Variants in CBL observed in about 807,000 individuals in gnomAD.
CBL encodes Cbl proto-oncogene.
CBL carries 45 observed loss-of-function variants against 96.9 expected under a neutral mutation model. The ratio of observed to expected loss-of-function variants is 0.46; its 90% CI spans 0.37 to 0.60. CBL has a LOEUF of 0.60. CBL is among the 20% of genes least tolerant of loss of function. The probability of loss-of-function intolerance (pLI) is 0.00; values close to 1 mark genes in which losing one functional copy is unlikely to be tolerated. For missense variants in CBL, 1,024 were observed against 1,143.5 expected, an observed-to-expected ratio of 0.90 and a Z score of 1.51; for synonymous variants, 420 against 426.8, an observed-to-expected ratio of 0.98 and a Z score of 0.20.
chr11:119,285,266 T>C lies in CBL; in HGVS notation c.1641T>C (p.Pro547=), dbSNP rs61755280. 6.1e-4 allele frequency: 981 copies of C among 1,613,986 alleles called. 3 individuals are homozygous for C. Among genetic ancestry groups the C allele is most frequent in the Middle Eastern group, 4.3e-3 (26 of 6,062 alleles). Residue 547 remains proline, a synonymous_variant, in exon 11 of 16, where the codon CCT becomes CCC. Coordinates refer to ENST00000264033, the MANE Select transcript of CBL (RefSeq NM_005188.4). ...TTCGAGATCTTCCACCACCACCGCC[T>C]CCAGACCGGCCATATTCTGTTGGAG... is the stretch of plus-strand genomic sequence containing the variant. ...PTLRDLPPPP[P]PDRPYSVGAE...
Position 119,303,157 on chromosome 11 carries a change from ATTCCC to A in CBL, c.*3379_*3383del, listed in dbSNP as rs1043027764. 1.3e-4 allele frequency: 31 copies of A among 231,510 alleles called. No individual in the cohort carries two copies. Among genetic ancestry groups the A allele is most frequent in the Admixed American group, 1.3e-3 (23 of 17,746 alleles). The allele number at this position is 231,510 out of a possible 1,614,324, so 14.3% of individuals were successfully genotyped here. On this transcript the variant is annotated 3_prime_UTR_variant, in exon 16 of 16. Coordinates refer to ENST00000264033, the MANE Select transcript of CBL (RefSeq NM_005188.4). ...TGTAAAAACTAGGGACCATCTATAT[ATTCCC>A]TTTAAGATCTAGTTCTTTTTGTAGG...
intron 3 of CBL, 70 bp from the exon 4 acceptor site, chr11:119,273,798 C>T: frequency 2.1e-6 from 3 of 1,396,520 alleles, no homozygotes; most frequent in Non-Finnish European, 3.0e-6. Flanking sequence ...CCTTCCTTTC[C>T]TTGATTATGG....
intron 1 of CBL, among the ~76,000 whole-genome samples, chr11:119,226,755 G>A (rs926976250): frequency 2.0e-5 from 3 of 152,128 alleles, no homozygotes; most frequent in African/African-American, 7.2e-5. Flanking sequence ...ACCACGCCCC[G>A]CCTGAAGCAA....
At chr11:119,243,375 A>G (rs1013472875) in intron 2 of CBL, among the ~76,000 whole-genome samples, 1 of 152,082 alleles carries the variant, frequency 6.6e-6, no homozygotes, top group African/African-American at 2.4e-5. Flanking sequence ...TGTGTTTTCC[A>G]GGCTGGTCTC....
intron 2 of CBL, among the ~76,000 whole-genome samples, chr11:119,243,025 C>T (rs956603967): frequency 6.6e-6 from 1 of 151,980 alleles, no homozygotes; most frequent in East Asian, 1.9e-4. Flanking sequence ...TTACTGTAAT[C>T]CCAGCACTTT....
At chr11:119,225,073 T>TGTGTGC (rs1555226182) in intron 1 of CBL, among the ~76,000 whole-genome samples, 1 of 151,268 alleles carries the variant, frequency 6.6e-6, no homozygotes, top group African/African-American at 2.4e-5. Context: ...TGTGTGTGTG[T>TGTGTGC]GCGCGCGCTT....
At position 119,206,449 on chromosome 11, in the gene CBL, C is replaced by A. The variant is rs1302101624; in HGVS notation, c.32C>A (p.Ala11Asp). The change falls in exon 1 of 16, where the codon GCC becomes GAC. Residue 11 changes from alanine (A) to aspartate (D), a missense_variant. Physicochemically the swap from Ala to Asp is moderately radical, Grantham distance 126. Transcript: ENST00000264033. Reference sequence around the variant, plus strand: ...GGCAACGTGAAGAAGAGCTCTGGGGCCGGGGGCGGCAGCGGCTCCGGGGGC... The same window carrying A: ...GGCAACGTGAAGAAGAGCTCTGGGGACGGGGGCGGCAGCGGCTCCGGGGGC... The part of the protein sequence containing the change: MAGNVKKSSG[A>D]GGGSGSGGSG... The A allele has an allele frequency of 6.3e-6, 10 of 1,580,122 alleles. No individual in the cohort carries two copies. The highest frequency in any genetic ancestry group is 8.6e-6 in the Non-Finnish European group (10 of 1,167,662).
chr11:119,239,202 C>T (rs1038886150), intron 2 of CBL, among the ~76,000 whole-genome samples: 2 of 152,116 alleles, frequency 1.3e-5, no homozygotes, highest in African/African-American at 4.8e-5. Flanking sequence ...AACTCCTGGG[C>T]TCAAGCAATC....
chr11:119,274,813 A>C lies in CBL; in HGVS notation c.748-19A>C, dbSNP rs1040022511. On this transcript the variant is annotated intron_variant, in intron 4 of 15. Coordinates refer to ENST00000264033, the MANE Select transcript of CBL (RefSeq NM_005188.4). ...GTACATCTGACCTGAATAGTCTGTGATTGATCTTGTTTCTTTAGCCCTGGT... is the reference window on the plus strand; with the variant it reads ...GTACATCTGACCTGAATAGTCTGTGCTTGATCTTGTTTCTTTAGCCCTGGT... 2 of 1,606,290 alleles carry C rather than the reference A, an allele frequency of 1.2e-6. No individual in the cohort carries two copies. Among genetic ancestry groups the C allele is most frequent in the Non-Finnish European group, 1.7e-6 (2 of 1,175,910 alleles).
intron 1 of CBL, among the ~76,000 whole-genome samples, chr11:119,223,008 G>A (rs989633610): frequency 6.6e-6 from 1 of 151,620 alleles, no homozygotes. Context: ...AGGCCCTATC[G>A]CTGCAAAAAA....
intron 2 of CBL, among the ~76,000 whole-genome samples, chr11:119,235,096 A>G (rs182384882): frequency 1.6e-4 from 24 of 152,228 alleles, no homozygotes; most frequent in African/African-American, 5.5e-4. Context: ...TTTATTTTAA[A>G]GAGCATTTCT....
intron 2 of CBL, among the ~76,000 whole-genome samples, chr11:119,249,679 T>A (rs995657059): frequency 1.3e-5 from 2 of 151,614 alleles, no homozygotes; most frequent in African/African-American, 2.4e-5. Flanking sequence ...TTTTTTTTTT[T>A]AATTGAGACA....
At chr11:119,209,914 C>T (rs936944652) in intron 1 of CBL, among the ~76,000 whole-genome samples, 1 of 152,176 alleles carries the variant, frequency 6.6e-6, no homozygotes. Context: ...TGCTAGAATG[C>T]TTGTTATTAA....
rs866325598 is a variant in CBL, at chr11:119,296,977, A to G, written c.2096A>G (p.Glu699Gly). Reference protein sequence around the residue: ...GEQCEGEEDTEYMTPSSRPLR... With the variant: ...GEQCEGEEDTGYMTPSSRPLR... ...CAATGTGAGGGTGAAGAGGACACAG[A>G]GTACATGACTCCCTCTTCCAGGCCT... The change falls in exon 13 of 16, where the codon GAG becomes GGG. Residue 699 changes from glutamate to glycine, a missense_variant. By Grantham distance (98) the Glu-to-Gly change is moderately conservative. Around this residue, in one of 4 missense-constraint regions of CBL, gnomAD observed 695 missense variants for 661.6 expected, o/e 1.05. Transcript: ENST00000264033. 1 of 1,612,690 alleles carries G rather than the reference A, an allele frequency of 6.2e-7. No homozygotes were observed. The highest frequency in any genetic ancestry group is 2.2e-5 in the East Asian group (1 of 44,880).
chr11:119,276,040 A>G lies in CBL; in HGVS notation c.913A>G (p.Ile305Val), dbSNP rs775764308. 5.6e-6 allele frequency: 9 copies of G among 1,613,966 alleles called. No homozygotes were observed. Among genetic ancestry groups the G allele is most frequent in the Admixed American group, 1.7e-5 (1 of 60,014 alleles). The change falls in exon 6 of 16, where the codon ATT becomes GTT. Residue 305 changes from isoleucine (I) to valine (V), a missense_variant. Transcript: ENST00000264033. ...CTGTACTCGTCTGGGTCAGTGGGCT[A>G]TTGGGTATGTTACTGCTGATGGGAA... ...LSCTRLGQWA[I>V]GYVTADGNIL...
intron 1 of CBL, among the ~76,000 whole-genome samples, chr11:119,230,087 A>G (rs1276380309): frequency 2.0e-5 from 3 of 152,204 alleles, no homozygotes; most frequent in Non-Finnish European, 4.4e-5. Flanking sequence ...CATAGACTAG[A>G]ATTATTTAAA....
intron 12 of CBL, among the ~76,000 whole-genome samples, chr11:119,289,214 A>G (rs1042163907): frequency 1.3e-5 from 2 of 152,182 alleles, no homozygotes; most frequent in African/African-American, 4.8e-5. Context: ...ATTGTGTTAA[A>G]TCTTGTATCT....
chr11:119,297,857 T>C (rs768075795), intron 14 of CBL, among the ~76,000 whole-genome samples: 1 of 152,234 alleles, frequency 6.6e-6, no homozygotes, highest in African/African-American at 2.4e-5. Flanking sequence ...CCTTTTGTGC[T>C]TTTCTTTGTC....
At chr11:119,284,230 C>T (rs1318123547) in intron 9 of CBL, among the ~76,000 whole-genome samples, 1 of 152,048 alleles carries the variant, frequency 6.6e-6, no homozygotes, top group Non-Finnish European at 1.5e-5. Context: ...TTTATTATGT[C>T]CCTTAAACAT....
Sources: gnomAD v4.1 joint callset for allele counts (sites outside exome capture counted in the v4.1 genomes callset) on GRCh38, gnomAD v4.1.1 for gene constraint, gnomAD v4.1.1 regional missense constraint, MANE v1.5 for transcripts, NCBI Gene and HGNC (gene_info 2026-07-23, HGNC 2026-07-21) for gene names.